Variants in DYM observed in about 807,000 individuals in gnomAD.
The protein encoded by DYM is dymeclin.
In DYM, 78 loss-of-function variants were observed where a neutral mutation model predicts 93.1. The ratio of observed to expected loss-of-function variants is 0.84; its 90% CI spans 0.70 to 1.01. The LOEUF is 1.01. DYM is among the 50% of genes least tolerant of loss of function. The pLI is 0.00. For missense variants in DYM, 789 were observed against 845.0 expected, an observed-to-expected ratio of 0.93 and a Z score of 0.82; for synonymous variants, 321 against 319.7, an observed-to-expected ratio of 1.00 and a Z score of -0.04.
chr18:49,061,324 G>A (rs940403771), intron 17 of DYM, among the ~76,000 whole-genome samples: 1 of 152,132 alleles, frequency 6.6e-6, no homozygotes. Flanking sequence ...GTGGAGGTGG[G>A]GGGAAGGGCA....
At chr18:49,363,299 T>C (rs1008162122) in intron 5 of DYM, 66 bp from the exon 6 acceptor site, 1 of 1,149,498 alleles carries the variant, frequency 8.7e-7, no homozygotes, top group Non-Finnish European at 1.3e-6. Context: ...TGTTCAGAAG[T>C]TACATTTTCA....
At chr18:49,221,067 C>A (rs1479522355) in intron 13 of DYM, among the ~76,000 whole-genome samples, 11 of 152,058 alleles carry the variant, frequency 7.2e-5, no homozygotes, top group Non-Finnish European at 1.3e-4. Flanking sequence ...AAGAAAAAAA[C>A]AAACAACCCC....
intron 10 of DYM, among the ~76,000 whole-genome samples, chr18:49,276,723 T>C (rs1427748805): frequency 1.3e-5 from 2 of 151,896 alleles, no homozygotes. Context: ...ACGTTAAGAG[T>C]AAGAGCTTTA....
At chr18:49,428,942 CA>C (rs2074558299) in intron 2 of DYM, among the ~76,000 whole-genome samples, 1 of 151,102 alleles carries the variant, frequency 6.6e-6, no homozygotes, top group Admixed American at 6.6e-5. Context: ...GTGGTGTGAA[CA>C]ACATAAATTT....
chr18:49,140,733 T>A (rs569429117), intron 15 of DYM, among the ~76,000 whole-genome samples: 4 of 152,248 alleles, frequency 2.6e-5, no homozygotes, highest in South Asian at 2.1e-4. Context: ...TATGGACATA[T>A]CCTAAGATGA....
intron 15 of DYM, among the ~76,000 whole-genome samples, chr18:49,158,076 A>C (rs1568514495): frequency 6.6e-6 from 1 of 152,130 alleles, no homozygotes; most frequent in Non-Finnish European, 1.5e-5. Context: ...TAACACCTGG[A>C]ATGTTTTCCT....
intron 2 of DYM, among the ~76,000 whole-genome samples, chr18:49,410,129 GAT>G (rs901699962): frequency 1.3e-5 from 2 of 152,124 alleles, no homozygotes; most frequent in African/African-American, 4.8e-5. Flanking sequence ...ACAGTGTCAT[GAT>G]CCCAGCTCAC....
chr18:49,181,013 A>G (rs1264913454), intron 14 of DYM, among the ~76,000 whole-genome samples: 1 of 152,176 alleles, frequency 6.6e-6, no homozygotes, highest in Non-Finnish European at 1.5e-5. Flanking sequence ...AAACAAAAAA[A>G]ACTGTGCAAA....
chr18:49,449,769 G>C (rs1197428832), intron 1 of DYM, among the ~76,000 whole-genome samples: 4 of 152,202 alleles, frequency 2.6e-5, no homozygotes, highest in African/African-American at 9.6e-5. Context: ...CCAATCTGGT[G>C]TGCTTTGTGT....
At chr18:49,326,673 T>A (rs1183661852) in intron 8 of DYM, among the ~76,000 whole-genome samples, 1 of 152,152 alleles carries the variant, frequency 6.6e-6, no homozygotes, top group Non-Finnish European at 1.5e-5. Context: ...CATGGGGCTT[T>A]TAGTGTAAGA....
chr18:49,279,621 A>G (rs557809841), intron 10 of DYM, among the ~76,000 whole-genome samples: 1 of 151,546 alleles, frequency 6.6e-6, no homozygotes, highest in South Asian at 2.1e-4. Context: ...ACCATCTTAT[A>G]TACCTGCATC....
intron 15 of DYM, among the ~76,000 whole-genome samples, chr18:49,153,529 A>G (rs1838962): frequency 0.58 from 87,950 of 152,018 alleles, 27,874 homozygotes; most frequent in Non-Finnish European, 0.73. Flanking sequence ...ATGGTCTCAA[A>G]AAAAGATAAG....
At chr18:49,459,104 T>C (rs2148773695) in intron 1 of DYM, among the ~76,000 whole-genome samples, 1 of 152,340 alleles carries the variant, frequency 6.6e-6, no homozygotes, top group African/African-American at 2.4e-5. Context: ...GACCTATATG[T>C]CGTAACAACA....
intron 17 of DYM, among the ~76,000 whole-genome samples, chr18:49,049,192 T>G (rs2072052632): frequency 6.6e-6 from 1 of 152,238 alleles, no homozygotes; most frequent in Non-Finnish European, 1.5e-5. Flanking sequence ...CTAATACAAT[T>G]GATTACCTAT....
intron 11 of DYM, among the ~76,000 whole-genome samples, chr18:49,262,379 T>C (rs568275471): frequency 2.6e-5 from 4 of 152,266 alleles, no homozygotes; most frequent in East Asian, 3.9e-4. Context: ...TAAATTTCTA[T>C]TGTTAGGAGT....
At chr18:49,200,108 C>T (rs2091872233) in intron 14 of DYM, among the ~76,000 whole-genome samples, 2 of 151,930 alleles carry the variant, frequency 1.3e-5, no homozygotes, top group South Asian at 2.1e-4. Context: ...CAGTTCTTTG[C>T]CAATTAATAA....
intron 13 of DYM, among the ~76,000 whole-genome samples, chr18:49,224,541 A>T (rs2156250): frequency 0.32 from 48,119 of 151,890 alleles, 8,932 homozygotes; most frequent in Middle Eastern, 0.47. Flanking sequence ...GGTCTTCGGG[A>T]AGGCATTAGG....
At chr18:49,258,237 T>C (rs537965455) in intron 12 of DYM, 143 bp downstream of exon 12, 422 of 670,916 alleles carry the variant, frequency 6.3e-4, no homozygotes, top group Non-Finnish European at 9.8e-4. Context: ...ATTAGGATCA[T>C]GTAATACAGT....
intron 11 of DYM, among the ~76,000 whole-genome samples, chr18:49,260,166 G>A (rs2094467150): frequency 6.6e-6 from 1 of 152,144 alleles, no homozygotes; most frequent in African/African-American, 2.4e-5. Flanking sequence ...CAGCACTTTG[G>A]GAGTCCAAGG....
Sources: allele counts gnomAD v4.1 joint callset (sites outside exome capture counted in the v4.1 genomes callset), GRCh38; gene constraint gnomAD v4.1.1; transcripts MANE v1.5; gene names NCBI Gene and HGNC (gene_info 2026-07-23, HGNC 2026-07-21).